The following ABCC1 variants were observed in gnomAD, a reference collection of about 807,000 sequenced individuals.
The protein encoded by ABCC1 is multidrug resistance-associated protein 1.
In ABCC1, 83 loss-of-function variants were observed where a neutral mutation model predicts 172.9. That is an observed-to-expected ratio of 0.48 (90% confidence interval 0.40 to 0.58). ABCC1 has a LOEUF of 0.58. Among genes scored for constraint, ABCC1 ranks in the 20% least tolerant of loss-of-function variants. ABCC1 has a pLI of 0.00. For missense variants in ABCC1, 1,817 were observed against 2,002.7 expected (o/e 0.91, Z 1.77); for synonymous variants, 937 against 825.2 (o/e 1.14, Z -2.32).
intron 1 of ABCC1, among the ~76,000 whole-genome samples, chr16:16,006,795 T>A (rs1424586262): frequency 6.7e-6 from 1 of 149,132 alleles, no homozygotes; most frequent in Non-Finnish European, 1.5e-5. Context: ...ACACATGAGG[T>A]ACTTAGAATA....
rs371189128 is a variant in ABCC1 at position 16,124,783 on chromosome 16, G to A, written c.3591-6G>A. On this transcript the variant is annotated splice_polypyrimidine_tract_variant and splice_region_variant and intron_variant, in intron 24 of 30. Coordinates refer to ENST00000399410, the MANE Select transcript of ABCC1 (RefSeq NM_004996.4). The stretch of plus-strand genomic sequence containing the variant: ...CCTGTTTGTCTGCCTGTGTGTCTTG[G>A]CGCAGGTGGCTGGCCGTGCGGCTGG... 7 of 1,613,918 alleles carry A rather than the reference G, an allele frequency of 4.3e-6. No homozygotes were observed. In the African/African-American group the frequency reaches 8.0e-5, roughly 18 times the overall value.
At chr16:16,033,034 T>C (rs2048610139) in intron 5 of ABCC1, 75 bp from the exon 6 acceptor site, 12 of 1,464,652 alleles carry the variant, frequency 8.2e-6, no homozygotes, top group Non-Finnish European at 2.9e-6. Flanking sequence ...GACTACTTGC[T>C]AAGCTCTGAC....
At position 16,048,128 on chromosome 16, in the gene ABCC1, C is replaced by A. The variant is rs943525450; in HGVS notation, c.1219-14C>A. On this transcript the variant is annotated splice_polypyrimidine_tract_variant and intron_variant, in intron 9 of 30. Transcript: ENST00000399410. ...TGCCACACTCACCCACCTTCCCTCT[C>A]CTTTGTCCCACAGGCCCTGGTGATC... The A allele has an allele frequency of 6.2e-7, 1 of 1,613,826 alleles. No homozygotes were observed. The highest frequency in any genetic ancestry group is 1.3e-5 in the African/African-American group (1 of 74,940).
intron 1 of ABCC1, among the ~76,000 whole-genome samples, chr16:15,966,889 C>T (rs1048244497): frequency 1.3e-5 from 2 of 152,112 alleles, no homozygotes; most frequent in African/African-American, 4.8e-5. Flanking sequence ...GAACATAGCT[C>T]ACTGCAGCCT....
chr16:16,125,992 A>T (rs1284296374), intron 26 of ABCC1, 81 bp downstream of exon 26: 19 of 1,009,536 alleles, frequency 1.9e-5, no homozygotes, highest in African/African-American at 4.8e-5. Context: ...TATCCTGTGC[A>T]CCTCTGCCTC....
chr16:16,087,853 C>T (rs908452403), intron 18 of ABCC1, among the ~76,000 whole-genome samples: 15 of 152,120 alleles, frequency 9.9e-5, no homozygotes, highest in Non-Finnish European at 1.8e-4. Flanking sequence ...ACACACATTC[C>T]ACTGGTTAGA....
chr16:16,098,771 C>G (rs1232858768), intron 19 of ABCC1: 13 of 1,125,690 alleles, frequency 1.2e-5, no homozygotes, highest in Non-Finnish European at 1.6e-5. Context: ...GCCTCTCCCC[C>G]TTTAGAAAAG....
chr16:16,002,771 C>CAAAAAAAAAAAAA (rs34530270), intron 1 of ABCC1, among the ~76,000 whole-genome samples: 1 of 129,306 alleles, frequency 7.7e-6, no homozygotes. Flanking sequence ...GACCTTGTCT[C>CAAAAAAAAAAAAA]AAAAAAAAAA....
Position 16,106,886 on chromosome 16 carries a change from C to G in ABCC1, c.2871+13C>G, listed in dbSNP as rs201236932. ...GCAGACAGGGCAGGTGAGATTCGCTCCTTAAGTGATGACAGTGGCTGGAGT... is the reference window on the plus strand; with the variant it reads ...GCAGACAGGGCAGGTGAGATTCGCTGCTTAAGTGATGACAGTGGCTGGAGT... On this transcript the variant is annotated intron_variant, in intron 21 of 30. Coordinates refer to ENST00000399410, the MANE Select transcript of ABCC1 (RefSeq NM_004996.4). 7.6e-4 allele frequency: 1,220 copies of G among 1,613,864 alleles called. 13 individuals carry two copies. The highest frequency in any genetic ancestry group is 8.8e-5 in the Non-Finnish European group (104 of 1,179,938).
At chr16:15,976,016 A>T (rs1265159951) in intron 1 of ABCC1, among the ~76,000 whole-genome samples, 1 of 152,104 alleles carries the variant, frequency 6.6e-6, no homozygotes. Flanking sequence ...CTGTTATCCC[A>T]GCACTTTGGG....
chr16:16,136,119 G>A (rs1206578413), intron 28 of ABCC1, among the ~76,000 whole-genome samples: 2 of 151,902 alleles, frequency 1.3e-5, no homozygotes, highest in South Asian at 4.2e-4. Context: ...CGTCTCCCGG[G>A]TTCAAGTGAT....
chr16:15,984,691 A>C (rs1461417902), intron 1 of ABCC1, among the ~76,000 whole-genome samples: 6 of 151,892 alleles, frequency 4.0e-5, no homozygotes, highest in Admixed American at 3.9e-4. Flanking sequence ...TGATCTGCCC[A>C]CCTTGGCCTC....
intron 18 of ABCC1, among the ~76,000 whole-genome samples, chr16:16,088,645 T>C (rs1056650577): frequency 6.6e-6 from 1 of 152,120 alleles, no homozygotes; most frequent in Admixed American, 6.6e-5. Flanking sequence ...CATTTGAAAA[T>C]CGTATTAAAT....
At chr16:15,996,915 A>G (rs2047075892) in intron 1 of ABCC1, among the ~76,000 whole-genome samples, 1 of 152,134 alleles carries the variant, frequency 6.6e-6, no homozygotes, top group Non-Finnish European at 1.5e-5. Context: ...ACGCTATGCA[A>G]CAGGAATTTT....
chr16:16,015,112 G>A (rs991588262), intron 4 of ABCC1, among the ~76,000 whole-genome samples: 2 of 148,020 alleles, frequency 1.4e-5, no homozygotes, highest in Admixed American at 6.8e-5. Flanking sequence ...CTGCTGCTAG[G>A]AATTTTGAGG....
chr16:16,115,639 G>A (rs1032985316), intron 23 of ABCC1, among the ~76,000 whole-genome samples: 13 of 152,182 alleles, frequency 8.5e-5, no homozygotes, highest in South Asian at 4.2e-4. Flanking sequence ...GAGCCACTGC[G>A]TCCAGCCTAA....
chr16:15,956,123 C>CA (rs1168461135), intron 1 of ABCC1, among the ~76,000 whole-genome samples: 1 of 152,146 alleles, frequency 6.6e-6, no homozygotes, highest in African/African-American at 2.4e-5. Context: ...CCTGTAATCT[C>CA]AGCACTTTGG....
chr16:15,985,192 A>G (rs754168556), intron 1 of ABCC1, among the ~76,000 whole-genome samples: 23 of 152,194 alleles, frequency 1.5e-4, no homozygotes, highest in Non-Finnish European at 2.8e-4. Context: ...CTGCCATTCT[A>G]AAGCATTTTC....
chr16:15,984,789 C>T (rs1169065845), intron 1 of ABCC1, among the ~76,000 whole-genome samples: 3 of 152,130 alleles, frequency 2.0e-5, no homozygotes, highest in Non-Finnish European at 2.9e-5. Flanking sequence ...CATACGTACA[C>T]ACATATATAT....
Sources: gnomAD v4.1 joint callset for allele counts (sites outside exome capture counted in the v4.1 genomes callset) on GRCh38, gnomAD v4.1.1 for gene constraint, MANE v1.5 for transcripts, NCBI Gene and HGNC (gene_info 2026-07-23, HGNC 2026-07-21) for gene names.